GULP1: variants seen among roughly 807,000 people sequenced by gnomAD.
The protein encoded by GULP1 is GULP PTB domain containing engulfment adaptor 1.
GULP1 carries 19 observed loss-of-function variants against 40.9 expected under a neutral mutation model. The observed-to-expected ratio is 0.46, with a 90% CI of 0.32 to 0.68. The LOEUF is 0.68. Among genes scored for constraint, GULP1 ranks in the 30% least tolerant of loss-of-function variants. GULP1 has a pLI of 0.03. For missense variants in GULP1, 312 were observed against 362.2 expected (o/e 0.86, Z 1.12); for synonymous variants, 119 against 117.6 (o/e 1.01, Z -0.08).
At chr2:188,353,604 C>G (rs959760282) in intron 1 of GULP1, among the ~76,000 whole-genome samples, 28 of 151,962 alleles carry the variant, frequency 1.8e-4, no homozygotes, top group African/African-American at 6.8e-4. Context: ...CCTTGGCTGC[C>G]TAGAGCAGTC....
chr2:188,554,989 T>C (rs1694387831), intron 7 of GULP1, among the ~76,000 whole-genome samples: 1 of 152,096 alleles, frequency 6.6e-6, no homozygotes, highest in South Asian at 2.1e-4. Context: ...TTCATCTGTG[T>C]AGAATATCTT....
chr2:188,430,628 A>G (rs186209495), intron 2 of GULP1, among the ~76,000 whole-genome samples: 1 of 152,304 alleles, frequency 6.6e-6, no homozygotes, highest in Non-Finnish European at 1.5e-5. Context: ...CAAAAATAAA[A>G]GTTTTTGGCC....
chr2:188,295,066 A>G (rs1454981828), intron 1 of GULP1, among the ~76,000 whole-genome samples: 1 of 152,212 alleles, frequency 6.6e-6, no homozygotes, highest in East Asian at 1.9e-4. Flanking sequence ...GAAAAGAACA[A>G]TTAGCACATT....
At chr2:188,379,816 G>A (rs1443351553) in intron 1 of GULP1, among the ~76,000 whole-genome samples, 1 of 152,074 alleles carries the variant, frequency 6.6e-6, no homozygotes, top group Admixed American at 6.6e-5. Flanking sequence ...CTTGAAGATG[G>A]CGTGTTCGTT....
In GULP1 at chr2:188,522,889, G is replaced by A; in HGVS notation, c.162+62G>A. 13 of 1,032,498 alleles carry A rather than the reference G, an allele frequency of 1.3e-5. No homozygotes were observed. In the South Asian group the frequency reaches 1.4e-4, roughly 11 times the overall value. The allele number at this position is 1,032,498 out of a possible 1,614,324, so 64.0% of individuals were successfully genotyped here. ...GACTCTGTCATGTTTTCAGCAGATT[G>A]ATGGAGATCAAAGCATGAACAGCTT... On this transcript the variant is annotated intron_variant, in intron 5 of 11. Transcript: ENST00000409830.
chr2:188,431,742 A>C (rs554726287), intron 2 of GULP1, among the ~76,000 whole-genome samples: 29 of 152,176 alleles, frequency 1.9e-4, no homozygotes, highest in African/African-American at 5.8e-4. Context: ...TTTGTTGTAG[A>C]TATCCATCTG....
At chr2:188,349,732 A>G in intron 1 of GULP1, among the ~76,000 whole-genome samples, 1 of 152,190 alleles carries the variant, frequency 6.6e-6, no homozygotes, top group Middle Eastern at 3.4e-3. Flanking sequence ...TGATGTATAT[A>G]TTTTATTTTA....
At chr2:188,384,443 CAT>C (rs1161279773) in intron 2 of GULP1, 1 of 152,174 alleles carries the variant, frequency 6.6e-6, no homozygotes, top group Non-Finnish European at 1.5e-5. Flanking sequence ...CCTGCCACAA[CAT>C]GTGGGAATTG....
intron 7 of GULP1, among the ~76,000 whole-genome samples, chr2:188,563,163 C>T (rs947291861): frequency 6.6e-6 from 1 of 151,866 alleles, no homozygotes. Context: ...AGAAACACTA[C>T]AGTAGAATCA....
intron 7 of GULP1, among the ~76,000 whole-genome samples, chr2:188,562,188 AG>A (rs1484862053): frequency 6.6e-6 from 1 of 152,108 alleles, no homozygotes; most frequent in African/African-American, 2.4e-5. Flanking sequence ...ACCTAGTGCA[AG>A]CTCCCTCCTG....
intron 2 of GULP1, among the ~76,000 whole-genome samples, chr2:188,455,412 C>A (rs1220445749): frequency 6.6e-6 from 1 of 152,090 alleles, no homozygotes; most frequent in Non-Finnish European, 1.5e-5. Context: ...GGGGGCAGGA[C>A]TTTCCTGAGC....
At chr2:188,440,736 C>T (rs2057846841) in intron 2 of GULP1, among the ~76,000 whole-genome samples, 1 of 152,078 alleles carries the variant, frequency 6.6e-6, no homozygotes, top group African/African-American at 2.4e-5. Flanking sequence ...CCTAAAACAT[C>T]CAAACCAAGT....
At chr2:188,328,640 G>A (rs908103541) in intron 1 of GULP1, among the ~76,000 whole-genome samples, 2 of 152,098 alleles carry the variant, frequency 1.3e-5, no homozygotes, top group East Asian at 3.9e-4. Flanking sequence ...TGGGGAGTCT[G>A]AGAAGCTGTA....
At chr2:188,479,486 A>G (rs983868285) in intron 3 of GULP1, among the ~76,000 whole-genome samples, 4 of 152,214 alleles carry the variant, frequency 2.6e-5, no homozygotes, top group African/African-American at 7.2e-5. Context: ...CTACGTTGCC[A>G]GGGCTGGTCT....
chr2:188,584,529 A>C (rs1306611543), intron 10 of GULP1, 126 bp downstream of exon 10: 2 of 424,084 alleles, frequency 4.7e-6, no homozygotes, highest in Non-Finnish European at 8.3e-6. Context: ...TTAAAGTATT[A>C]TTTTTATATT....
intron 1 of GULP1, among the ~76,000 whole-genome samples, chr2:188,307,920 T>C (rs1194034249): frequency 2.0e-5 from 3 of 152,120 alleles, no homozygotes; most frequent in African/African-American, 7.2e-5. Context: ...AACAGAAAAT[T>C]AGTAATAAGA....
At chr2:188,520,333 C>A (rs1052889411) in intron 4 of GULP1, among the ~76,000 whole-genome samples, 2 of 151,822 alleles carry the variant, frequency 1.3e-5, no homozygotes, top group Non-Finnish European at 2.9e-5. Context: ...GTCAGGAGAT[C>A]AAGACCACCG....
At chr2:188,507,915 G>A (rs1423917563) in intron 4 of GULP1, among the ~76,000 whole-genome samples, 1 of 151,772 alleles carries the variant, frequency 6.6e-6, no homozygotes, top group Non-Finnish European at 1.5e-5. Context: ...ATGAAAAATA[G>A]GTATAGTTCT....
chr2:188,525,340 G>A (rs1166533465), intron 5 of GULP1, among the ~76,000 whole-genome samples: 2 of 151,944 alleles, frequency 1.3e-5, no homozygotes, highest in South Asian at 2.1e-4. Flanking sequence ...GCAGTGAGCC[G>A]CGATCGCGCC....
Sources: gnomAD v4.1 joint callset for allele counts (sites outside exome capture counted in the v4.1 genomes callset) on GRCh38, gnomAD v4.1.1 for gene constraint, MANE v1.5 for transcripts, NCBI Gene and HGNC (gene_info 2026-07-23, HGNC 2026-07-21) for gene names.